Variants in ARHGAP18 observed in about 807,000 individuals in gnomAD.
ARHGAP18 encodes Rho GTPase activating protein 18.
In ARHGAP18, 67 loss-of-function variants were observed where a neutral mutation model predicts 86.2. The ratio of observed to expected loss-of-function variants is 0.78; its 90% confidence interval spans 0.64 to 0.95. ARHGAP18 has a LOEUF of 0.95. Among genes scored for constraint, ARHGAP18 ranks in the 40% least tolerant of loss-of-function variants. ARHGAP18 has a pLI of 0.00. For synonymous variants in ARHGAP18, 283 were observed against 280.4 expected, an observed-to-expected ratio of 1.01 and a Z score of -0.09; for missense variants, 691 against 780.4, an observed-to-expected ratio of 0.89 and a Z score of 1.37.
chr6:129,678,148 AGT>A (rs1248900467), intron 1 of ARHGAP18, among the ~76,000 whole-genome samples: 2 of 152,334 alleles, frequency 1.3e-5, no homozygotes, highest in East Asian at 3.9e-4. Flanking sequence ...GCAAACTTCA[AGT>A]GTGTGTTATT....
At chr6:129,701,391 C>T (rs1774708001) in intron 1 of ARHGAP18, among the ~76,000 whole-genome samples, 1 of 152,180 alleles carries the variant, frequency 6.6e-6, no homozygotes, top group Non-Finnish European at 1.5e-5. Context: ...TAAAAAGATC[C>T]AGAACAAGCC....
At chr6:129,583,965 A>G (rs771198336) in intron 13 of ARHGAP18, 23 bp downstream of exon 13, 3 of 1,610,424 alleles carry the variant, frequency 1.9e-6, no homozygotes, top group Non-Finnish European at 2.5e-6. Flanking sequence ...CCATGGCATA[A>G]TTAACACAAA....
At chr6:129,607,748 C>T in intron 9 of ARHGAP18, 145 bp downstream of exon 9, 1 of 736,872 alleles carries the variant, frequency 1.4e-6, no homozygotes, top group Non-Finnish European at 2.0e-6. Flanking sequence ...CAATGCATGG[C>T]AGCTGAGCAC....
At chr6:129,629,247 C>CTCTA (rs1773130305) in intron 5 of ARHGAP18, 106 bp downstream of exon 5, 3 of 653,214 alleles carry the variant, frequency 4.6e-6, no homozygotes, top group South Asian at 3.7e-5. Flanking sequence ...CTCTCTCTCT[C>CTCTA]TATATATATA....
intron 5 of ARHGAP18, among the ~76,000 whole-genome samples, chr6:129,622,512 TATTTA>T (rs1424412274): frequency 6.6e-6 from 1 of 152,208 alleles, no homozygotes; most frequent in Non-Finnish European, 1.5e-5. Flanking sequence ...CTTATTTATT[TATTTA>T]AACATTGTGC....
In ARHGAP18 at chr6:129,600,818, C is replaced by T. The variant is rs747953706; in HGVS notation, c.1396G>A (p.Asp466Asn). The change falls in exon 11 of 15, where the codon GAT (aspartate) becomes AAT (asparagine). Residue 466 changes from aspartate to asparagine, a missense_variant. Asp to Asn is a conservative substitution (Grantham distance 23, BLOSUM62 1). Transcript: ENST00000368149. Reference sequence around the variant, plus strand: ...GTCATTTTATTTTTTTCTTTATTATCTATTACTCTTTGGAGAAATTCAAGA... The same window carrying T: ...GTCATTTTATTTTTTTCTTTATTATTTATTACTCTTTGGAGAAATTCAAGA... The part of the protein sequence containing the change: ...ALLEFLQRVI[D>N]NKEKNKMTVM... 6.2e-7 allele frequency: 1 copy of T among 1,612,770 alleles called. No homozygotes were observed. Among genetic ancestry groups the T allele is most frequent in the Non-Finnish European group, 8.5e-7 (1 of 1,179,524 alleles).
At chr6:129,679,052 C>A (rs1188516803) in intron 1 of ARHGAP18, among the ~76,000 whole-genome samples, 1 of 152,170 alleles carries the variant, frequency 6.6e-6, no homozygotes, top group Non-Finnish European at 1.5e-5. Flanking sequence ...CAGTGCCTTA[C>A]TTACATTATT....
intron 1 of ARHGAP18, among the ~76,000 whole-genome samples, chr6:129,642,250 A>G (rs1012334950): frequency 2.0e-5 from 3 of 152,178 alleles, no homozygotes; most frequent in Non-Finnish European, 2.9e-5. Flanking sequence ...AACATGGTAA[A>G]TTATTTTTCC....
chr6:129,665,889 A>G (rs1774026853), intron 1 of ARHGAP18, among the ~76,000 whole-genome samples: 1 of 151,972 alleles, frequency 6.6e-6, no homozygotes, highest in South Asian at 2.1e-4. Context: ...AACACATGCA[A>G]TTTTCTTGGC....
intron 14 of ARHGAP18, among the ~76,000 whole-genome samples, chr6:129,579,739 C>T (rs1057089986): frequency 6.6e-6 from 1 of 152,118 alleles, no homozygotes; most frequent in Non-Finnish European, 1.5e-5. Context: ...CTTATATAAG[C>T]TCAACTACTT....
intron 7 of ARHGAP18, among the ~76,000 whole-genome samples, chr6:129,615,595 A>G (rs567700282): frequency 6.6e-6 from 1 of 152,318 alleles, no homozygotes; most frequent in East Asian, 1.9e-4. Flanking sequence ...GGTAGTTCAC[A>G]ACTGAGTTGA....
intron 13 of ARHGAP18, among the ~76,000 whole-genome samples, chr6:129,580,502 T>G (rs1355333684): frequency 6.6e-6 from 1 of 152,220 alleles, no homozygotes; most frequent in African/African-American, 2.4e-5. Flanking sequence ...GTTTCCACTT[T>G]AGTTTTCACA....
chr6:129,637,960 T>G (rs938964581), intron 3 of ARHGAP18, among the ~76,000 whole-genome samples: 3 of 152,204 alleles, frequency 2.0e-5, no homozygotes, highest in Non-Finnish European at 4.4e-5. Flanking sequence ...TGCAATTAGC[T>G]CCCTCACATT....
chr6:129,684,451 C>T (rs994589793), intron 1 of ARHGAP18, among the ~76,000 whole-genome samples: 1 of 152,198 alleles, frequency 6.6e-6, no homozygotes, highest in African/African-American at 2.4e-5. Flanking sequence ...ATATAAGTGA[C>T]TTTTGCCTCC....
chr6:129,609,827 C>G (rs911693381), intron 8 of ARHGAP18, among the ~76,000 whole-genome samples: 2 of 152,030 alleles, frequency 1.3e-5, no homozygotes, highest in Non-Finnish European at 2.9e-5. Flanking sequence ...AATGAGATCA[C>G]TATGTAGTAA....
chr6:129,635,303 G>A (rs1773310278), intron 3 of ARHGAP18, among the ~76,000 whole-genome samples: 1 of 152,194 alleles, frequency 6.6e-6, no homozygotes, highest in Admixed American at 6.5e-5. Context: ...AGTCTAAAAA[G>A]AGCCTAGAAA....
intron 6 of ARHGAP18, among the ~76,000 whole-genome samples, chr6:129,617,807 G>C (rs1400388451): frequency 6.6e-6 from 1 of 152,176 alleles, no homozygotes; most frequent in Non-Finnish European, 1.5e-5. Context: ...GACCAGAAGG[G>C]AAGGTACACT....
chr6:129,684,274 G>A (rs1475077222), intron 1 of ARHGAP18, among the ~76,000 whole-genome samples: 3 of 152,194 alleles, frequency 2.0e-5, no homozygotes, highest in Non-Finnish European at 4.4e-5. Flanking sequence ...TGTGCAAAAC[G>A]TTCTGTATTC....
At chr6:129,702,826 C>T (rs964806423) in intron 1 of ARHGAP18, among the ~76,000 whole-genome samples, 1 of 152,164 alleles carries the variant, frequency 6.6e-6, no homozygotes. Context: ...ATGGCAAAAC[C>T]CCGTCTCTAC....
Sources: allele counts gnomAD v4.1 joint callset (sites outside exome capture counted in the v4.1 genomes callset), GRCh38; gene constraint gnomAD v4.1.1; transcripts MANE v1.5; gene names NCBI Gene and HGNC (gene_info 2026-07-23, HGNC 2026-07-21).